The following SNX16 variants were observed in gnomAD, a reference collection of about 807,000 sequenced individuals.
SNX16 encodes the protein sorting nexin-16.
A neutral mutation model predicts 36.7 loss-of-function variants in SNX16; 35 were observed. The ratio of observed to expected loss-of-function variants is 0.95; its 90% CI spans 0.73 to 1.27. The LOEUF is 1.27. Ranked by LOEUF, SNX16 falls within the 50% of genes most tolerant of loss-of-function variation. SNX16 has a pLI of 0.00. For missense variants in SNX16, 367 were observed against 393.6 expected (o/e 0.93, Z 0.57); for synonymous variants, 134 against 132.0 (o/e 1.02, Z -0.10).
chr8:81,804,315 A>G (rs1809839039), intron 5 of SNX16, among the ~76,000 whole-genome samples: 2 of 152,096 alleles, frequency 1.3e-5, no homozygotes, highest in Admixed American at 6.5e-5. Flanking sequence ...AAGAAAGAGT[A>G]GGATGAAAGT....
intron 4 of SNX16, among the ~76,000 whole-genome samples, chr8:81,818,208 A>T (rs2130676792): frequency 6.6e-6 from 1 of 152,212 alleles, no homozygotes; most frequent in Admixed American, 6.5e-5. Context: ...CCATCCAACC[A>T]ACCTTAGTAA....
chr8:81,827,457 G>C (rs1188277721), intron 3 of SNX16, among the ~76,000 whole-genome samples: 1 of 151,564 alleles, frequency 6.6e-6, no homozygotes, highest in Non-Finnish European at 1.5e-5. Context: ...TTTATCTTTC[G>C]GCTTGTTTAG....
intron 4 of SNX16, chr8:81,815,804 G>A (rs570269109): frequency 1.8e-3 from 281 of 155,110 alleles, no homozygotes; most frequent in Middle Eastern, 3.4e-3. Flanking sequence ...TAAAGTGACC[G>A]AAAAGCATTT....
chr8:81,826,023 T>G (rs1051054249), intron 3 of SNX16, among the ~76,000 whole-genome samples: 3 of 139,662 alleles, frequency 2.1e-5, no homozygotes, highest in African/African-American at 7.5e-5. Context: ...ATGGTTAGAT[T>G]TTTTTTTTCC....
At chr8:81,838,369 A>G (rs977353835) in intron 2 of SNX16, among the ~76,000 whole-genome samples, 3 of 152,176 alleles carry the variant, frequency 2.0e-5, no homozygotes, top group Non-Finnish European at 4.4e-5. Flanking sequence ...GAAAAAAGCT[A>G]AAGTACATAC....
At chr8:81,838,993 T>A (rs1323790606) in intron 2 of SNX16, among the ~76,000 whole-genome samples, 1 of 152,132 alleles carries the variant, frequency 6.6e-6, no homozygotes, top group African/African-American at 2.4e-5. Flanking sequence ...AAAAAAATTT[T>A]AAATTCAATT....
chr8:81,813,875 C>G (rs1192887615), intron 5 of SNX16, among the ~76,000 whole-genome samples: 1 of 151,364 alleles, frequency 6.6e-6, no homozygotes, highest in Non-Finnish European at 1.5e-5. Flanking sequence ...AATGAAATAT[C>G]ACTACCTATC....
intron 5 of SNX16, among the ~76,000 whole-genome samples, chr8:81,812,190 T>G (rs141999678): frequency 3.3e-5 from 5 of 151,928 alleles, no homozygotes; most frequent in Admixed American, 6.6e-5. Flanking sequence ...ACACAGGGTA[T>G]ACAAATATAC....
At chr8:81,835,001 G>A (rs1032124270) in intron 2 of SNX16, among the ~76,000 whole-genome samples, 1 of 152,190 alleles carries the variant, frequency 6.6e-6, no homozygotes, top group Non-Finnish European at 1.5e-5. Context: ...TTCCATGAGG[G>A]CCCTGCCCCT....
intron 4 of SNX16, among the ~76,000 whole-genome samples, chr8:81,815,933 C>T (rs954173751): frequency 3.3e-5 from 5 of 152,080 alleles, no homozygotes; most frequent in Admixed American, 1.3e-4. Flanking sequence ...TAAATGACCA[C>T]AAATTTTAAA....
intron 4 of SNX16, among the ~76,000 whole-genome samples, chr8:81,816,201 C>T: frequency 1.1e-5 from 1 of 94,924 alleles, no homozygotes; most frequent in South Asian, 4.1e-4. Flanking sequence ...TTTTTTAAGA[C>T]GAGTCTCGCT....
chr8:81,813,311 AC>A (rs1363744973), intron 5 of SNX16, among the ~76,000 whole-genome samples: 1 of 151,806 alleles, frequency 6.6e-6, no homozygotes, highest in Non-Finnish European at 1.5e-5. Context: ...CCAGAAACAA[AC>A]CCTTCTTTTC....
chr8:81,832,373 T>C (rs754275511), intron 2 of SNX16, among the ~76,000 whole-genome samples: 1 of 152,056 alleles, frequency 6.6e-6, no homozygotes, highest in Non-Finnish European at 1.5e-5. Context: ...TGGGAACTCA[T>C]GGACATAAAG....
At chr8:81,819,934 C>G (rs1810658954) in intron 4 of SNX16, among the ~76,000 whole-genome samples, 1 of 152,026 alleles carries the variant, frequency 6.6e-6, no homozygotes, top group South Asian at 2.1e-4. Flanking sequence ...AGGGCTTAGC[C>G]AAGAGGAAGG....
intron 2 of SNX16, among the ~76,000 whole-genome samples, chr8:81,830,829 C>G (rs1468955205): frequency 6.6e-6 from 1 of 152,106 alleles, no homozygotes; most frequent in Non-Finnish European, 1.5e-5. Context: ...GTGAAATGAA[C>G]AAAGCCAGAG....
Position 81,800,363 on chromosome 8 carries a change from G to A in SNX16, c.*1134C>T, listed in dbSNP as rs1563425188. On this transcript the variant is annotated 3_prime_UTR_variant, in exon 8 of 8. Transcript: ENST00000345957. ...GGCACTTTTAATGACTGTACACAAAGCTGAAATAAACAAACATTTTTTCAT... is the reference window on the plus strand; with the variant it reads ...GGCACTTTTAATGACTGTACACAAAACTGAAATAAACAAACATTTTTTCAT... 6.6e-6 allele frequency: 1 copy of A among 151,942 alleles called. No homozygotes were observed. Among genetic ancestry groups the A allele is most frequent in the Non-Finnish European group, 1.5e-5 (1 of 67,734 alleles). 9.4% of individuals were successfully genotyped at this position (151,942 alleles called of 1,614,324 possible).
At chr8:81,832,429 G>T (rs899999936) in intron 2 of SNX16, among the ~76,000 whole-genome samples, 4 of 152,092 alleles carry the variant, frequency 2.6e-5, no homozygotes, top group Non-Finnish European at 5.9e-5. Context: ...AAGGATGAAG[G>T]GGGGAAGGAG....
At chr8:81,812,518 C>T (rs950525532) in intron 5 of SNX16, among the ~76,000 whole-genome samples, 39 of 151,916 alleles carry the variant, frequency 2.6e-4, no homozygotes, top group Admixed American at 2.6e-3. Context: ...TGGAATGACA[C>T]ATTCAGAGTG....
At chr8:81,817,994 T>A (rs981652294) in intron 4 of SNX16, among the ~76,000 whole-genome samples, 1 of 152,160 alleles carries the variant, frequency 6.6e-6, no homozygotes, top group Non-Finnish European at 1.5e-5. Context: ...GGAAATCACC[T>A]ATGGTATCCC....
Sources: allele counts gnomAD v4.1 joint callset (sites outside exome capture counted in the v4.1 genomes callset), GRCh38; gene constraint gnomAD v4.1.1; transcripts MANE v1.5; gene names NCBI Gene and HGNC (gene_info 2026-07-23, HGNC 2026-07-21).